Variants in PLEKHA5 observed in about 807,000 individuals in gnomAD.
The protein encoded by PLEKHA5 is pleckstrin homology domain containing A5.
Under a neutral mutation model 181.9 loss-of-function variants are expected in PLEKHA5, and 55 were observed. The ratio of observed to expected loss-of-function variants is 0.30; its 90% CI spans 0.24 to 0.38. PLEKHA5 has a LOEUF of 0.38. Among genes scored for constraint, PLEKHA5 ranks in the 10% least tolerant of loss-of-function variants. PLEKHA5 has a pLI of 1.00. For synonymous variants in PLEKHA5, 535 were observed against 529.4 expected (o/e 1.01, Z -0.15); for missense variants, 1,432 against 1,549.5 (o/e 0.92, Z 1.27).
In PLEKHA5 at chr12:19,212,611, G is replaced by A. The variant is rs186165709; in HGVS notation, c.228-41329G>A. ...CACAAGAATTGCTTGAACCCAGGAG[G>A]CAGACAGGGCAAAACCCTGTCTCGA... On this transcript the variant is annotated intron_variant, in intron 3 of 31. Coordinates refer to ENST00000429027, the MANE Select transcript of PLEKHA5 (RefSeq NM_001256470.2). Among the ~76,000 whole-genome samples, 17 of 152,048 alleles carry A rather than the reference G, an allele frequency of 1.1e-4. No individual in the cohort carries two copies. The East Asian group carries it at 3.3e-3, about 29-fold the overall frequency.
intron 21 of PLEKHA5, among the ~76,000 whole-genome samples, chr12:19,337,548 CAAAAAAAAAAA>C (rs1157232818): frequency 0.026 from 1,606 of 61,744 alleles, 27 homozygotes; most frequent in African/African-American, 0.078. Flanking sequence ...GACTCTATCT[CAAAAAAAAAAA>C]AAAAAAAAAA....
At chr12:19,296,540 C>CT (rs1164268366) in intron 15 of PLEKHA5, among the ~76,000 whole-genome samples, 2 of 134,828 alleles carry the variant, frequency 1.5e-5, no homozygotes, top group Non-Finnish European at 3.1e-5. Context: ...GAGCAAGACT[C>CT]TATCTCAAAA....
chr12:19,183,642 G>T (rs2049116265), intron 3 of PLEKHA5, among the ~76,000 whole-genome samples: 2 of 152,180 alleles, frequency 1.3e-5, no homozygotes, highest in African/African-American at 2.4e-5. Flanking sequence ...GCCCCAAAAG[G>T]CCATCTCTTG....
rs539697676 is a variant in PLEKHA5, at chr12:19,369,724, G to A, written c.3786G>A (p.Ser1262=). 41 of 1,611,878 alleles carry A rather than the reference G, an allele frequency of 2.5e-5. No homozygotes were observed. Among genetic ancestry groups the A allele is most frequent in the Admixed American group, 1.7e-4 (10 of 59,494 alleles). Residue 1262 remains serine, a synonymous_variant, in exon 31 of 32, where the codon TCG becomes TCA. Coordinates refer to ENST00000429027, the MANE Select transcript of PLEKHA5 (RefSeq NM_001256470.2). Reference sequence around the variant, plus strand: ...GTCTGTCCCCATCTCCTGAGTCCTCGGCATCGCCAGTTCCATCCACTCAGC... The same window carrying A: ...GTCTGTCCCCATCTCCTGAGTCCTCAGCATCGCCAGTTCCATCCACTCAGC... The part of the protein sequence containing the change: ...VKSLSPSPES[S]ASPVPSTQPQ...
intron 3 of PLEKHA5, chr12:19,243,155 A>T (rs1329757049): frequency 2.0e-5 from 3 of 152,410 alleles, no homozygotes; most frequent in African/African-American, 7.2e-5. Context: ...GCCTCTAAGG[A>T]AAGTATGGCT....
intron 24 of PLEKHA5, among the ~76,000 whole-genome samples, chr12:19,347,862 C>T (rs1053752311): frequency 6.7e-6 from 1 of 149,850 alleles, no homozygotes; most frequent in Admixed American, 6.7e-5. Flanking sequence ...GACTTTGTTC[C>T]TAAGAGGAAC....
At chr12:19,354,413 A>G (rs187799328) in intron 26 of PLEKHA5, among the ~76,000 whole-genome samples, 1,529 of 148,640 alleles carry the variant, frequency 0.01, 32 homozygotes, top group African/African-American at 0.036. Context: ...TCGGCCTCCC[A>G]AAGTGCTGGG....
chr12:19,143,844 T>C (rs1254820748), intron 3 of PLEKHA5, among the ~76,000 whole-genome samples: 1 of 152,214 alleles, frequency 6.6e-6, no homozygotes, highest in Admixed American at 6.5e-5. Flanking sequence ...TTCTGTCTTA[T>C]GAATATATGG....
At chr12:19,164,215 T>C (rs886461020) in intron 3 of PLEKHA5, among the ~76,000 whole-genome samples, 15 of 145,424 alleles carry the variant, frequency 1.0e-4, no homozygotes, top group African/African-American at 3.2e-4. Context: ...TTTTTTTTTT[T>C]TGAGATGGAG....
In PLEKHA5 at chr12:19,322,339, T is replaced by C. The variant is rs2153046104; in HGVS notation, c.2247T>C (p.Asp749=). ...AGTTAAGCCGATTATGTGAACAAGA[T>C]AAAGTGGTGCATGCTCTGGAAGAGA... ...DAKLSRLCEQ[D]KVVHALEEKL... is the part of the protein sequence containing the mutation. The change falls in exon 19 of 32, where the codon GAT becomes GAC. Residue 749 remains aspartate (D), a synonymous_variant. Transcript: ENST00000429027. 8.1e-6 allele frequency: 13 copies of C among 1,613,526 alleles called. No homozygotes were observed. The highest frequency in any genetic ancestry group is 1.1e-5 in the Non-Finnish European group (13 of 1,179,558).
intron 30 of PLEKHA5, among the ~76,000 whole-genome samples, chr12:19,367,258 C>CTTTTTTTTTTTTTTT (rs376634416): frequency 1.4e-5 from 1 of 72,004 alleles, no homozygotes; most frequent in Non-Finnish European, 2.5e-5. Context: ...TTTGCTTCTT[C>CTTTTTTTTTTTTTTT]TTTTTTTTTT....
At chr12:19,131,915 A>G (rs2034006263) in intron 2 of PLEKHA5, among the ~76,000 whole-genome samples, 1 of 152,198 alleles carries the variant, frequency 6.6e-6, no homozygotes, top group Non-Finnish European at 1.5e-5. Flanking sequence ...TTTCTTTTCC[A>G]TTAATTAAGT....
chr12:19,355,201 T>G (rs1204750796), intron 26 of PLEKHA5, among the ~76,000 whole-genome samples: 3 of 152,178 alleles, frequency 2.0e-5, no homozygotes, highest in Non-Finnish European at 4.4e-5. Flanking sequence ...AACACTTAAC[T>G]CCCTTTCTTC....
chr12:19,229,563 A>G (rs943125392), intron 3 of PLEKHA5, among the ~76,000 whole-genome samples: 4 of 152,116 alleles, frequency 2.6e-5, no homozygotes, highest in African/African-American at 7.2e-5. Context: ...CGCTGGCCTC[A>G]GGAGTGAAGC....
Position 19,196,978 on chromosome 12 carries a change from A to T in PLEKHA5, c.228-56962A>T, listed in dbSNP as rs116965073. 1.7e-3 allele frequency among the ~76,000 whole-genome samples: 260 copies of T among 152,202 alleles called. 3 individuals are homozygous for T. In the East Asian group the frequency reaches 0.026, roughly 15 times the overall value. The stretch of plus-strand genomic sequence containing the variant: ...TGTGATAGAGTAAGAATTTAGTTAA[A>T]TCCCAAGAGCCAACCTGTCCTATTA... On this transcript the variant is annotated intron_variant, in intron 3 of 31. Transcript: ENST00000429027.
chr12:19,334,829 A>AAAAAAAAAAAAATATATATATATAT, intron 20 of PLEKHA5, among the ~76,000 whole-genome samples: 1 of 18,598 alleles, frequency 5.4e-5, no homozygotes, highest in Non-Finnish European at 1.4e-4. Flanking sequence ...AAAAAAAAAA[A>AAAAAAAAAAAAATATATATATATAT]ATATATATAT....
At chr12:19,251,808 A>G (rs1290375059) in intron 3 of PLEKHA5, among the ~76,000 whole-genome samples, 1 of 151,822 alleles carries the variant, frequency 6.6e-6, no homozygotes, top group Non-Finnish European at 1.5e-5. Flanking sequence ...ATAAAAACAT[A>G]CAATTTGTAA....
chr12:19,177,233 G>A (rs4396338), intron 3 of PLEKHA5, among the ~76,000 whole-genome samples: 135,149 of 152,212 alleles, frequency 0.89, 60,848 homozygotes, highest in Non-Finnish European at 0.97. Context: ...CCAAGAATAC[G>A]ATACATTGTT....
chr12:19,206,313 GTTA>G (rs1484923957), intron 3 of PLEKHA5, among the ~76,000 whole-genome samples: 2 of 151,750 alleles, frequency 1.3e-5, no homozygotes, highest in Non-Finnish European at 2.9e-5. Flanking sequence ...TCTATACATT[GTTA>G]TTTTCATGAT....
Sources: allele counts gnomAD v4.1 joint callset (sites outside exome capture counted in the v4.1 genomes callset), GRCh38; gene constraint gnomAD v4.1.1; transcripts MANE v1.5; gene names NCBI Gene and HGNC (gene_info 2026-07-23, HGNC 2026-07-21).